Variants in KMT5A observed in about 807,000 individuals in gnomAD.
The protein encoded by KMT5A is lysine methyltransferase 5A.
Under a neutral mutation model 40.6 loss-of-function variants are expected in KMT5A, and 6 were observed. That is an observed-to-expected ratio of 0.15 (90% CI 0.08 to 0.29). The LOEUF is 0.29. Ranked by LOEUF, KMT5A falls within the 10% of genes least tolerant of loss-of-function variation. The pLI is 1.00. For missense variants in KMT5A, 308 were observed against 459.1 expected, an observed-to-expected ratio of 0.67 and a Z score of 3.01; for synonymous variants, 153 against 178.8, an observed-to-expected ratio of 0.86 and a Z score of 1.15.
chr12:123,387,703 A>G (rs984054678), intron 1 of KMT5A, among the ~76,000 whole-genome samples: 1 of 152,084 alleles, frequency 6.6e-6, no homozygotes, highest in East Asian at 1.9e-4. Flanking sequence ...ACCTAATCCT[A>G]CTCAGTCTTA....
intron 5 of KMT5A, among the ~76,000 whole-genome samples, chr12:123,398,277 G>A (rs1387650030): frequency 6.6e-6 from 1 of 150,756 alleles, no homozygotes; most frequent in Non-Finnish European, 1.5e-5. Context: ...GCAAGACTCC[G>A]TCTCAAAAAA....
At position 123,408,032 on chromosome 12, in the gene KMT5A, A is replaced by T. The variant is rs1338511801; in HGVS notation, c.*329A>T. The T allele has an allele frequency of 1.5e-5, 4 of 262,176 alleles. No individual in the cohort carries two copies. In the South Asian group the frequency reaches 1.8e-4, roughly 12 times the overall value. 16.2% of individuals were successfully genotyped at this position (262,176 alleles called of 1,614,324 possible). A position where few individuals can be genotyped will look rare whatever the true frequency, so the allele number is the denominator to read the frequency against. On this transcript the variant is annotated 3_prime_UTR_variant, in exon 8 of 8. Coordinates refer to ENST00000402868, the MANE Select transcript of KMT5A (RefSeq NM_020382.7). ...GTTTTAGAGGAAATAGTCAAACATG[A>T]ACTAGGAAGCCAGGTGAGTCTCCTT...
chr12:123,389,862 G>A (rs1243342669), intron 2 of KMT5A, among the ~76,000 whole-genome samples: 1 of 152,088 alleles, frequency 6.6e-6, no homozygotes, highest in Non-Finnish European at 1.5e-5. Context: ...CCGCCTCGGT[G>A]TTGAATGGTC....
intron 3 of KMT5A, among the ~76,000 whole-genome samples, chr12:123,394,065 A>G (rs895522436): frequency 6.7e-6 from 1 of 148,684 alleles, no homozygotes; most frequent in Non-Finnish European, 1.5e-5. Flanking sequence ...GCACCATTTT[A>G]TATCTGTGAG....
At position 123,407,792 on chromosome 12, in the gene KMT5A, C is replaced by T. The variant is rs1042240738; in HGVS notation, c.*89C>T. 2.4e-6 allele frequency: 2 copies of T among 829,414 alleles called. No homozygotes were observed. The highest frequency in any genetic ancestry group is 1.7e-5 in the African/African-American group (1 of 57,958). 51.4% of individuals were successfully genotyped at this position (829,414 alleles called of 1,614,324 possible). A position where few individuals can be genotyped will look rare whatever the true frequency, so the allele number is the denominator to read the frequency against. ...GGGAATTGAATTTTTTTTTTACACACTTAATCTTAGCGGATTACTTCAGAT... is the reference window on the plus strand; with the variant it reads ...GGGAATTGAATTTTTTTTTTACACATTTAATCTTAGCGGATTACTTCAGAT... On this transcript the variant is annotated 3_prime_UTR_variant, in exon 8 of 8. Transcript: ENST00000402868.
intron 6 of KMT5A, 147 bp from the exon 7 acceptor site, chr12:123,404,737 G>T: frequency 1.4e-6 from 1 of 722,694 alleles, no homozygotes; most frequent in Non-Finnish European, 2.2e-6. Flanking sequence ...AAACCCATCA[G>T]CCTGTACATG....
At chr12:123,385,072 T>C (rs1244027659) in intron 1 of KMT5A, among the ~76,000 whole-genome samples, 1 of 152,190 alleles carries the variant, frequency 6.6e-6, no homozygotes, top group Non-Finnish European at 1.5e-5. Flanking sequence ...TATATTTTTC[T>C]CAAAATTTCA....
At chr12:123,406,896 C>G (rs1878591938) in intron 7 of KMT5A, among the ~76,000 whole-genome samples, 1 of 151,860 alleles carries the variant, frequency 6.6e-6, no homozygotes, top group Non-Finnish European at 1.5e-5. Flanking sequence ...GCACACGCTT[C>G]TAATCCCAGT....
intron 4 of KMT5A, 136 bp downstream of exon 4, chr12:123,395,402 G>T: frequency 1.1e-6 from 1 of 871,890 alleles, no homozygotes; most frequent in Non-Finnish European, 1.8e-6. Flanking sequence ...CAGATGCCCC[G>T]AGTCATCAGC....
Position 123,395,203 on chromosome 12 carries a change from A to G in KMT5A, c.446A>G (p.Asn149Ser). ...KTPPSSCDSTNAAIAKQALKK... is the reference protein window; with the variant it reads ...KTPPSSCDSTSAAIAKQALKK... ...CCACCCTCATCTTGTGATTCCACCA[A>G]TGCAGCCATCGCCAAGCAAGCCCTG... The change falls in exon 4 of 8, where the codon AAT (asparagine) becomes AGT (serine). Residue 149 changes from asparagine to serine, a missense_variant. Asn to Ser is a conservative substitution (Grantham distance 46). Transcript: ENST00000402868. 1.2e-6 allele frequency: 2 copies of G among 1,613,598 alleles called. No homozygotes were observed. Among genetic ancestry groups the G allele is most frequent in the East Asian group, 2.2e-5 (1 of 44,878 alleles).
intron 5 of KMT5A, among the ~76,000 whole-genome samples, chr12:123,402,312 G>A (rs184188888): frequency 6.0e-4 from 91 of 152,364 alleles, no homozygotes; most frequent in African/African-American, 1.9e-3. Context: ...CTGCAGGGCC[G>A]CAGTGGGAAT....
At chr12:123,394,457 C>T (rs55690951) in intron 3 of KMT5A, among the ~76,000 whole-genome samples, 2,936 of 152,168 alleles carry the variant, frequency 0.019, 103 homozygotes, top group African/African-American at 0.066. Context: ...AGCAGTTTTC[C>T]AACACTGTCA....
chr12:123,389,322 A>T, intron 1 of KMT5A, 111 bp from the exon 2 acceptor site: 1 of 691,464 alleles, frequency 1.4e-6, no homozygotes, highest in Non-Finnish European at 1.8e-6. Context: ...GCCTCGAAAT[A>T]TGGCTGCGGC....
intron 7 of KMT5A, 24 bp downstream of exon 7, chr12:123,405,098 G>A (rs1481074268): frequency 6.3e-7 from 1 of 1,588,834 alleles, no homozygotes; most frequent in East Asian, 2.3e-5. Context: ...TGCTTAGAGT[G>A]GCTTTTCTGT....
At chr12:123,396,577 C>A in intron 5 of KMT5A, 145 bp downstream of exon 5, 1 of 715,846 alleles carries the variant, frequency 1.4e-6, no homozygotes, top group Non-Finnish European at 2.3e-6. Context: ...TGGTTTTCTC[C>A]TGGATCTATC....
At chr12:123,400,845 C>T (rs1218159043) in intron 5 of KMT5A, among the ~76,000 whole-genome samples, 1 of 151,806 alleles carries the variant, frequency 6.6e-6, no homozygotes, top group Admixed American at 6.6e-5. Context: ...GACAAGGTCT[C>T]ACTCTGTTGC....
In KMT5A at chr12:123,384,314, C is replaced by A; in HGVS notation, c.10+106C>A. The A allele has an allele frequency of 6.7e-7, 1 of 1,500,734 alleles. No homozygotes were observed. The highest frequency in any genetic ancestry group is 9.0e-7 in the Non-Finnish European group (1 of 1,107,684). The allele number at this position is 1,500,734 out of a possible 1,614,324, so 93.0% of individuals were successfully genotyped here. A position where few individuals can be genotyped will look rare whatever the true frequency, so the allele number is the denominator to read the frequency against. ...GCGGGGAGGCGTCCTCCTCGGGTGGCTCGGGGCAAGCTTGGGGACCCGCGT... is the reference window on the plus strand; with the variant it reads ...GCGGGGAGGCGTCCTCCTCGGGTGGATCGGGGCAAGCTTGGGGACCCGCGT... On this transcript the variant is annotated intron_variant, in intron 1 of 7. Transcript: ENST00000402868. The surrounding 1 kb of genome is among the most constrained non-coding windows in gnomAD (Gnocchi z 5.7).
At chr12:123,405,729 C>T (rs28576953) in intron 7 of KMT5A, among the ~76,000 whole-genome samples, 40,395 of 151,594 alleles carry the variant, frequency 0.27, 6,465 homozygotes, top group African/African-American at 0.44. Flanking sequence ...TTATGTTGGC[C>T]AGGCTGGTCT....
At chr12:123,402,822 C>T (rs28472704) in intron 5 of KMT5A, among the ~76,000 whole-genome samples, 41,029 of 152,078 alleles carry the variant, frequency 0.27, 6,699 homozygotes, top group African/African-American at 0.45. Flanking sequence ...TCAGCGATCC[C>T]AAACAGAAGT....
Sources: allele counts gnomAD v4.1 joint callset (sites outside exome capture counted in the v4.1 genomes callset), GRCh38; gene constraint gnomAD v4.1.1; non-coding constraint Gnocchi (gnomAD v3.1); transcripts MANE v1.5; gene names NCBI Gene and HGNC (gene_info 2026-07-23, HGNC 2026-07-21).